Variants in MROH9 observed in about 807,000 individuals in gnomAD.
MROH9 encodes maestro heat like repeat family member 9.
A neutral mutation model predicts 98.2 loss-of-function variants in MROH9; 92 were observed. The ratio of observed to expected loss-of-function variants is 0.94; its 90% CI spans 0.79 to 1.11. MROH9 has a LOEUF of 1.11. MROH9 is among the 50% of genes most tolerant of loss of function. The pLI, the probability that MROH9 is intolerant of heterozygous loss-of-function variation, is 0.00. For missense variants in MROH9, 1,057 were observed against 1,014.8 expected, an observed-to-expected ratio of 1.04 and a Z score of -0.57; for synonymous variants, 397 against 368.9, an observed-to-expected ratio of 1.08 and a Z score of -0.87.
Position 171,025,321 on chromosome 1 carries a change from A to G in MROH9, c.2182A>G (p.Ile728Val). ...VVLNICNNLI[I>V]SHRNYITDLT... ...TTTTTTCCCTTTTTATTCTCAGATT[A>G]TTTCTCATAGGAACTACATTACAGA... Residue 728 changes from isoleucine (I) to valine (V), a missense_variant, in exon 20 of 22, where the codon ATT becomes GTT. Transcript: ENST00000367759. 1 of 1,536,394 alleles carries G rather than the reference A, an allele frequency of 6.5e-7. No individual in the cohort carries two copies. The highest frequency in any genetic ancestry group is 8.8e-7 in the Non-Finnish European group (1 of 1,133,566).
At chr1:170,992,453 C>A (rs1557888525) in intron 12 of MROH9, 124 bp downstream of exon 12, 3 of 978,172 alleles carry the variant, frequency 3.1e-6, no homozygotes, top group South Asian at 1.7e-5. Flanking sequence ...TCCATTCATG[C>A]AACACATATT....
intron 3 of MROH9, among the ~76,000 whole-genome samples, chr1:170,948,586 C>A (rs948361746): frequency 3.3e-5 from 5 of 152,068 alleles, no homozygotes; most frequent in Admixed American, 2.0e-4. Context: ...ATTATGCTAT[C>A]TTTTTGAGAA....
chr1:170,973,892 T>C lies in MROH9; in HGVS notation c.616+2009T>C, dbSNP rs113292240. ...CACAGATGATAGAATGAGTAGAGTG[T>C]GACATTAAAAGAATTATTATAACTA... On this transcript the variant is annotated intron_variant, in intron 8 of 21. Transcript: ENST00000367759. Among the ~76,000 whole-genome samples, 783 of 152,216 alleles carry C rather than the reference T, an allele frequency of 5.1e-3. 1 individual carries two copies. Among genetic ancestry groups the C allele is most frequent in the Non-Finnish European group, 8.2e-3 (561 of 68,022 alleles).
intron 16 of MROH9, among the ~76,000 whole-genome samples, chr1:171,015,366 G>A (rs1400909946): frequency 6.6e-6 from 1 of 152,190 alleles, no homozygotes; most frequent in Non-Finnish European, 1.5e-5. Context: ...CTTCCTAGGA[G>A]AGTGAAAGAA....
chr1:171,056,762 C>A (rs546779298), intron 20 of MROH9, among the ~76,000 whole-genome samples: 240 of 152,286 alleles, frequency 1.6e-3, no homozygotes, highest in African/African-American at 5.7e-3. Context: ...GGAGCAGGCA[C>A]CCATCTTTGC....
At chr1:170,963,259 C>T (rs552100600) in intron 6 of MROH9, among the ~76,000 whole-genome samples, 38 of 152,038 alleles carry the variant, frequency 2.5e-4, no homozygotes, top group African/African-American at 8.7e-4. Flanking sequence ...TAAAGAAATG[C>T]AAATCAAAAC....
chr1:170,937,423 C>T (rs1327965399), intron 1 of MROH9, among the ~76,000 whole-genome samples: 2 of 150,900 alleles, frequency 1.3e-5, no homozygotes, highest in African/African-American at 2.4e-5. Context: ...CTAATATATA[C>T]ACAAAGAAAT....
chr1:171,005,967 C>A (rs1184562197), intron 15 of MROH9, among the ~76,000 whole-genome samples: 1 of 152,206 alleles, frequency 6.6e-6, no homozygotes, highest in Non-Finnish European at 1.5e-5. Flanking sequence ...GATTTACACA[C>A]CATCCCATAT....
At chr1:170,992,766 C>T (rs1386976521) in intron 12 of MROH9, among the ~76,000 whole-genome samples, 1 of 152,076 alleles carries the variant, frequency 6.6e-6, no homozygotes, top group African/African-American at 2.4e-5. Context: ...GGACACTTAC[C>T]TTGTATGTCA....
intron 17 of MROH9, among the ~76,000 whole-genome samples, chr1:171,022,256 C>T (rs538900730): frequency 2.6e-5 from 4 of 152,182 alleles, no homozygotes; most frequent in East Asian, 1.9e-4. Context: ...AGTATATACC[C>T]GAAGGATTAT....
At position 171,023,933 on chromosome 1, in the gene MROH9, A is replaced by G. The variant is rs563953155; in HGVS notation, c.1909-462A>G. 5.9e-5 allele frequency among the ~76,000 whole-genome samples: 9 copies of G among 152,282 alleles called. No homozygotes were observed. The East Asian group carries it at 1.5e-3, about 26-fold the overall frequency. On this transcript the variant is annotated intron_variant, in intron 17 of 21. Transcript: ENST00000367759. ...TCCCACCACCCTTCAGCTGCTGGCA[A>G]CCTAGGCCCACTCTCCTCTTCTATG...
At chr1:170,951,790 G>A (rs1257787789) in intron 3 of MROH9, among the ~76,000 whole-genome samples, 1 of 152,076 alleles carries the variant, frequency 6.6e-6, no homozygotes, top group Non-Finnish European at 1.5e-5. Context: ...TGTTGTAAAA[G>A]AGCAAAACAA....
chr1:170,979,777 T>C (rs945451799), intron 8 of MROH9, among the ~76,000 whole-genome samples: 3 of 152,198 alleles, frequency 2.0e-5, no homozygotes, highest in African/African-American at 7.2e-5. Flanking sequence ...ATCAAAACTC[T>C]GTAAGAGGAA....
intron 20 of MROH9, among the ~76,000 whole-genome samples, chr1:171,041,774 A>G (rs190392239): frequency 5.9e-5 from 9 of 152,084 alleles, no homozygotes; most frequent in African/African-American, 2.2e-4. Flanking sequence ...TGACTAGTGC[A>G]AGATGGTATC....
At position 170,983,465 on chromosome 1, in the gene MROH9, C is replaced by T; in HGVS notation, c.660C>T (p.Leu220=). Reference sequence around the variant, plus strand: ...CTACAAACGGTAAAAGTCATAGCCTCCAGTTTCCTTCTTCTGATGTAGAAT... The same window carrying T: ...CTACAAACGGTAAAAGTCATAGCCTTCAGTTTCCTTCTTCTGATGTAGAAT... The part of the protein sequence containing the change: ...NKPTNGKSHS[L]QFPSSDVEFL... The change falls in exon 9 of 22, where the codon CTC becomes CTT. Residue 220 remains leucine, a synonymous_variant. Coordinates refer to ENST00000367759, the MANE Select transcript of MROH9 (RefSeq NM_001163629.2). The T allele has an allele frequency of 3.1e-6, 5 of 1,613,302 alleles. No homozygotes were observed. The highest frequency in any genetic ancestry group is 3.4e-6 in the Non-Finnish European group (4 of 1,179,550).
At chr1:170,983,787 A>T (rs1321287390) in intron 9 of MROH9, among the ~76,000 whole-genome samples, 1 of 152,172 alleles carries the variant, frequency 6.6e-6, no homozygotes, top group African/African-American at 2.4e-5. Context: ...CAAATGAGGT[A>T]TTTCCTAGTT....
intron 12 of MROH9, among the ~76,000 whole-genome samples, chr1:170,994,410 A>T (rs1484108505): frequency 1.3e-5 from 2 of 152,182 alleles, no homozygotes; most frequent in Non-Finnish European, 2.9e-5. Context: ...AAAAAGACCT[A>T]TGAAGTTTTC....
At position 170,964,860 on chromosome 1, in the gene MROH9, T is replaced by C. The variant is rs114083105; in HGVS notation, c.376-291T>C. On this transcript the variant is annotated intron_variant, in intron 6 of 21. Transcript: ENST00000367759. ...GGCAAAGCAGCTGGTAATCATGTCA[T>C]AGCTTCGTACTGAACTATTCATGGT... 2.9e-3 allele frequency among the ~76,000 whole-genome samples: 434 copies of C among 152,222 alleles called. 1 individual carries two copies. Among genetic ancestry groups the C allele is most frequent in the African/African-American group, 0.01 (424 of 41,560 alleles).
chr1:170,941,581 C>T (rs1316656659), intron 1 of MROH9, among the ~76,000 whole-genome samples: 2 of 152,150 alleles, frequency 1.3e-5, no homozygotes, highest in Non-Finnish European at 2.9e-5. Context: ...TTTTGTTGCT[C>T]ATTAAGGCAA....
Sources: gnomAD v4.1 joint callset for allele counts (sites outside exome capture counted in the v4.1 genomes callset) on GRCh38, gnomAD v4.1.1 for gene constraint, MANE v1.5 for transcripts, NCBI Gene and HGNC (gene_info 2026-07-23, HGNC 2026-07-21) for gene names.